Variants in CHST8 observed in about 807,000 individuals in gnomAD.
CHST8 encodes carbohydrate sulfotransferase 8, also known as GALNAC-4-ST1.
CHST8 carries 10 observed loss-of-function variants against 15.0 expected under a neutral mutation model. The ratio of observed to expected loss-of-function variants is 0.67; its 90% CI spans 0.41 to 1.13. CHST8 has a LOEUF of 1.13. Ranked by LOEUF, CHST8 falls within the 50% of genes most tolerant of loss-of-function variation. The pLI, the probability that CHST8 is intolerant of heterozygous loss-of-function variation, is 0.00. For missense variants in CHST8, 634 were observed against 608.2 expected, an observed-to-expected ratio of 1.04 and a Z score of -0.45; for synonymous variants, 259 against 256.6, an observed-to-expected ratio of 1.01 and a Z score of -0.09.
intron 3 of CHST8, among the ~76,000 whole-genome samples, chr19:33,703,377 T>G (rs987733797): frequency 6.6e-6 from 1 of 151,974 alleles, no homozygotes. Flanking sequence ...TGGTGAGGAG[T>G]CCACCCACGC....
chr19:33,728,413 T>A (rs968054705), intron 3 of CHST8, among the ~76,000 whole-genome samples: 1 of 152,202 alleles, frequency 6.6e-6, no homozygotes, highest in African/African-American at 2.4e-5. Context: ...TAGGACTACA[T>A]GTCACACCCC....
At chr19:33,664,734 T>A (rs994094495) in intron 1 of CHST8, among the ~76,000 whole-genome samples, 1 of 152,102 alleles carries the variant, frequency 6.6e-6, no homozygotes, top group African/African-American at 2.4e-5. Flanking sequence ...ATTTGCTTTT[T>A]TCCCCCCTTT....
chr19:33,769,807 T>G (rs978609623), intron 3 of CHST8, among the ~76,000 whole-genome samples: 1 of 152,094 alleles, frequency 6.6e-6, no homozygotes, highest in African/African-American at 2.4e-5. Flanking sequence ...ATCCCCCACA[T>G]GCACGCATGT....
chr19:33,730,363 A>G (rs1973972730), intron 3 of CHST8, among the ~76,000 whole-genome samples: 1 of 152,262 alleles, frequency 6.6e-6, no homozygotes, highest in Non-Finnish European at 1.5e-5. Flanking sequence ...CTCTCTCTGT[A>G]CAATAGATGT....
intron 3 of CHST8, among the ~76,000 whole-genome samples, chr19:33,740,617 CTT>C (rs1029996223): frequency 1.8e-4 from 27 of 152,224 alleles, no homozygotes; most frequent in African/African-American, 6.0e-4. Flanking sequence ...TCTGCCTCTT[CTT>C]TCTCTGTTTC....
At chr19:33,747,549 CCA>C (rs756384516) in intron 3 of CHST8, among the ~76,000 whole-genome samples, 5 of 151,466 alleles carry the variant, frequency 3.3e-5, no homozygotes, top group Non-Finnish European at 7.4e-5. Context: ...TAGACATATG[CCA>C]CACACACATA....
chr19:33,773,231 C>A lies in CHST8; in HGVS notation c.*168C>A. The A allele has an allele frequency of 1.4e-6, 1 of 740,510 alleles. No individual in the cohort carries two copies. Among genetic ancestry groups the A allele is most frequent in the Non-Finnish European group, 2.1e-6 (1 of 467,708 alleles). The allele number at this position is 740,510 out of a possible 1,614,324, so 45.9% of individuals were successfully genotyped here. A position where few individuals can be genotyped will look rare whatever the true frequency, so the allele number is the denominator to read the frequency against. ...CGGGTGGGGGGCAGAGGCGCCCAGC[C>A]TTGGATGGGGACCCCAGCCCCTGGC... On this transcript the variant is annotated 3_prime_UTR_variant, in exon 5 of 5. Transcript: ENST00000650847.
intron 3 of CHST8, among the ~76,000 whole-genome samples, chr19:33,723,160 T>C (rs1973832954): frequency 6.6e-6 from 1 of 152,140 alleles, no homozygotes; most frequent in African/African-American, 2.4e-5. Flanking sequence ...AATGTGTCTG[T>C]GGGTGGGATT....
At chr19:33,656,786 G>A (rs1972514684) in intron 1 of CHST8, among the ~76,000 whole-genome samples, 1 of 152,004 alleles carries the variant, frequency 6.6e-6, no homozygotes, top group Non-Finnish European at 1.5e-5. Context: ...TGACCCTCCT[G>A]CCTTGACCTC....
At chr19:33,692,294 G>C (rs1599557718) in intron 3 of CHST8, among the ~76,000 whole-genome samples, 1 of 152,216 alleles carries the variant, frequency 6.6e-6, no homozygotes, top group Non-Finnish European at 1.5e-5. Context: ...GGATTGCCAG[G>C]CCCTGAGGCC....
intron 2 of CHST8, among the ~76,000 whole-genome samples, chr19:33,668,872 C>T (rs548041996): frequency 3.3e-5 from 5 of 151,892 alleles, no homozygotes; most frequent in Non-Finnish European, 7.4e-5. Flanking sequence ...GTTCCCATCA[C>T]GGGTCAAAAA....
intron 3 of CHST8, among the ~76,000 whole-genome samples, chr19:33,770,128 T>C (rs73037015): frequency 0.22 from 32,812 of 152,140 alleles, 3,665 homozygotes; most frequent in Middle Eastern, 0.29. Context: ...AAACTGGACC[T>C]CATGGAGAAA....
chr19:33,674,724 G>A (rs1366173571), intron 2 of CHST8, among the ~76,000 whole-genome samples: 1 of 152,148 alleles, frequency 6.6e-6, no homozygotes, highest in Admixed American at 6.5e-5. Context: ...CCAACCACAG[G>A]CCACCCTCCC....
chr19:33,705,340 G>A (rs1330331028), intron 3 of CHST8, among the ~76,000 whole-genome samples: 1 of 152,212 alleles, frequency 6.6e-6, no homozygotes, highest in African/African-American at 2.4e-5. Flanking sequence ...CGGGAGCCCT[G>A]CCAGATACCT....
At chr19:33,663,247 A>G (rs1418828955) in intron 1 of CHST8, among the ~76,000 whole-genome samples, 1 of 152,152 alleles carries the variant, frequency 6.6e-6, no homozygotes, top group Non-Finnish European at 1.5e-5. Context: ...GGACTTTGCA[A>G]CACCCACACT....
chr19:33,739,985 G>A (rs527241790), intron 3 of CHST8, among the ~76,000 whole-genome samples: 239 of 152,306 alleles, frequency 1.6e-3, no homozygotes, highest in Middle Eastern at 3.4e-3. Flanking sequence ...CAGAGGTGAG[G>A]ATGGAGGCCC....
intron 1 of CHST8, among the ~76,000 whole-genome samples, chr19:33,662,342 T>C (rs1972598757): frequency 6.6e-6 from 1 of 152,212 alleles, no homozygotes; most frequent in Non-Finnish European, 1.5e-5. Context: ...CCTCCCAAAG[T>C]GCTGGGACTA....
chr19:33,743,090 A>G lies in CHST8; in HGVS notation c.131-28323A>G, dbSNP rs576664078. 3.9e-5 allele frequency among the ~76,000 whole-genome samples: 5 copies of G among 127,308 alleles called. No homozygotes were observed. The East Asian group carries it at 8.3e-4, about 21-fold the overall frequency. 83.5% of individuals were successfully genotyped at this position (127,308 alleles called of 152,430 possible). ...TGGTGGCCCTCTGTTCATTGAAGAC[A>G]CTACAGAGATCTCTGTCCTACAACA... On this transcript the variant is annotated intron_variant, in intron 3 of 4. Coordinates refer to ENST00000650847, the MANE Select transcript of CHST8 (RefSeq NM_001127895.2).
chr19:33,729,772 C>T (rs755475640), intron 3 of CHST8, among the ~76,000 whole-genome samples: 7 of 152,090 alleles, frequency 4.6e-5, no homozygotes, highest in Non-Finnish European at 7.4e-5. Flanking sequence ...GGAGTTTGGG[C>T]CTGGGGTTTT....
Sources: gnomAD v4.1 joint callset for allele counts (sites outside exome capture counted in the v4.1 genomes callset) on GRCh38, gnomAD v4.1.1 for gene constraint, MANE v1.5 for transcripts, NCBI Gene and HGNC (gene_info 2026-07-23, HGNC 2026-07-21) for gene names.